Variants in TTC29 observed in about 807,000 individuals in gnomAD.
TTC29 encodes the protein tetratricopeptide repeat protein 29.
In TTC29, 49 loss-of-function variants were observed where a neutral mutation model predicts 58.1. The ratio of observed to expected loss-of-function variants is 0.84; its 90% CI spans 0.67 to 1.07. TTC29 has a LOEUF of 1.07. Ranked by LOEUF, TTC29 falls within the 50% of genes least tolerant of loss-of-function variation. The probability of loss-of-function intolerance (pLI) is 0.00; values close to 1 mark genes in which losing one functional copy is unlikely to be tolerated. For missense variants in TTC29, 582 were observed against 555.6 expected (o/e 1.05, Z -0.48); for synonymous variants, 209 against 196.8 (o/e 1.06, Z -0.52).
At chr4:146,936,944 G>C (rs1256949430) in intron 4 of TTC29, among the ~76,000 whole-genome samples, 2 of 151,950 alleles carry the variant, frequency 1.3e-5, no homozygotes, top group Non-Finnish European at 2.9e-5. Flanking sequence ...TGTGATAACA[G>C]AGCCACTAAG....
intron 10 of TTC29, among the ~76,000 whole-genome samples, chr4:146,816,879 C>A (rs1046899536): frequency 6.6e-6 from 1 of 152,066 alleles, no homozygotes; most frequent in Non-Finnish European, 1.5e-5. Context: ...AATTTTATGG[C>A]AAACAACAGA....
chr4:146,801,498 T>G (rs185370546), intron 11 of TTC29, among the ~76,000 whole-genome samples: 1 of 152,266 alleles, frequency 6.6e-6, no homozygotes, highest in East Asian at 1.9e-4. Flanking sequence ...TGTTTTATTT[T>G]ATAGCATTCT....
chr4:146,793,672 T>G (rs1330043834), intron 11 of TTC29, among the ~76,000 whole-genome samples: 1 of 152,138 alleles, frequency 6.6e-6, no homozygotes, highest in African/African-American at 2.4e-5. Context: ...CAAATTGATG[T>G]GCAAAAGAGA....
chr4:146,711,600 A>G (rs1341770744), intron 11 of TTC29, among the ~76,000 whole-genome samples: 3 of 152,194 alleles, frequency 2.0e-5, no homozygotes, highest in Admixed American at 6.6e-5. Context: ...CTGATTAAGA[A>G]TAAATACTGC....
chr4:146,892,527 C>T (rs34155899), intron 6 of TTC29, among the ~76,000 whole-genome samples: 42,530 of 151,962 alleles, frequency 0.28, 6,498 homozygotes, highest in South Asian at 0.4. Flanking sequence ...ATTGATGGGA[C>T]GTATCTCAAA....
At chr4:146,927,901 T>C (rs1735046038) in intron 4 of TTC29, among the ~76,000 whole-genome samples, 3 of 152,142 alleles carry the variant, frequency 2.0e-5, no homozygotes, top group African/African-American at 7.2e-5. Context: ...AAGCACTGTA[T>C]GAATAGAGTA....
At chr4:146,891,315 CTTGTT>C (rs1190671901) in intron 6 of TTC29, among the ~76,000 whole-genome samples, 1 of 151,854 alleles carries the variant, frequency 6.6e-6, no homozygotes, top group Non-Finnish European at 1.5e-5. Context: ...GTTAATTACT[CTTGTT>C]TGTTTGATTT....
At chr4:146,858,869 A>T (rs1337864559) in intron 8 of TTC29, among the ~76,000 whole-genome samples, 1 of 152,148 alleles carries the variant, frequency 6.6e-6, no homozygotes, top group African/African-American at 2.4e-5. Context: ...GTTTGATTTT[A>T]GAGCCCATCA....
intron 11 of TTC29, among the ~76,000 whole-genome samples, chr4:146,771,658 C>A (rs373320005): frequency 2.6e-5 from 4 of 152,018 alleles, no homozygotes; most frequent in Admixed American, 1.3e-4. Context: ...TCTAGTCTAC[C>A]ATTTGATAGG....
intron 11 of TTC29, among the ~76,000 whole-genome samples, chr4:146,745,951 G>A (rs1745508852): frequency 6.6e-6 from 1 of 152,160 alleles, no homozygotes; most frequent in African/African-American, 2.4e-5. Context: ...TTTGTCTGAA[G>A]AATGCCACAA....
At chr4:146,908,889 G>T in intron 5 of TTC29, 137 bp downstream of exon 5, 1 of 735,230 alleles carries the variant, frequency 1.4e-6, no homozygotes, top group Non-Finnish European at 2.2e-6. Flanking sequence ...ATTCCATAAA[G>T]ACGTTTAATT....
chr4:146,784,593 C>G (rs1172804228), intron 11 of TTC29, among the ~76,000 whole-genome samples: 1 of 152,120 alleles, frequency 6.6e-6, no homozygotes, highest in Non-Finnish European at 1.5e-5. Flanking sequence ...TCATTTGCAC[C>G]TTTGACCATG....
intron 4 of TTC29, among the ~76,000 whole-genome samples, chr4:146,922,139 T>C (rs1184979525): frequency 1.3e-5 from 2 of 151,070 alleles, no homozygotes; most frequent in East Asian, 3.8e-4. Context: ...ATATTTAGAA[T>C]TGAAAGAAAG....
At chr4:146,753,416 A>G (rs370662392) in intron 11 of TTC29, among the ~76,000 whole-genome samples, 3 of 152,162 alleles carry the variant, frequency 2.0e-5, no homozygotes, top group Admixed American at 6.5e-5. Flanking sequence ...GTGCTGGAGA[A>G]GATGTGGAGA....
intron 8 of TTC29, among the ~76,000 whole-genome samples, chr4:146,850,098 A>G (rs901049398): frequency 6.6e-6 from 1 of 152,220 alleles, no homozygotes; most frequent in Non-Finnish European, 1.5e-5. Flanking sequence ...GAAGGTCCAC[A>G]AGGACAAAGA....
chr4:146,799,901 C>T (rs1385711251), intron 11 of TTC29, among the ~76,000 whole-genome samples: 1 of 152,112 alleles, frequency 6.6e-6, no homozygotes, highest in Non-Finnish European at 1.5e-5. Flanking sequence ...GATGAATGAG[C>T]CTTTCATTTA....
At chr4:146,834,659 A>G (rs935700567) in intron 8 of TTC29, among the ~76,000 whole-genome samples, 3 of 152,204 alleles carry the variant, frequency 2.0e-5, no homozygotes, top group African/African-American at 7.2e-5. Flanking sequence ...AAAGACCTCT[A>G]TGGAAATCCT....
At chr4:146,728,597 A>AATTT (rs1390771170) in intron 11 of TTC29, among the ~76,000 whole-genome samples, 8 of 150,576 alleles carry the variant, frequency 5.3e-5, no homozygotes, top group Non-Finnish European at 1.2e-4. Flanking sequence ...GAATGGGGCC[A>AATTT]ATTTATTTAT....
At chr4:146,808,246 A>AATAAGAGCTATTT (rs1395527171) in intron 10 of TTC29, among the ~76,000 whole-genome samples, 2 of 152,234 alleles carry the variant, frequency 1.3e-5, no homozygotes, top group Non-Finnish European at 2.9e-5. Context: ...ACCTCAAAAT[A>AATAAGAGCTATTT]ATAAGAGCTA....
Sources: gnomAD v4.1 joint callset for allele counts (sites outside exome capture counted in the v4.1 genomes callset) on GRCh38, gnomAD v4.1.1 for gene constraint, MANE v1.5 for transcripts, NCBI Gene and HGNC (gene_info 2026-07-23, HGNC 2026-07-21) for gene names.